SPOCK3: variants seen among roughly 807,000 people sequenced by gnomAD.
The protein encoded by SPOCK3 is testican-3.
A neutral mutation model predicts 56.6 loss-of-function variants in SPOCK3; 30 were observed. The ratio of observed to expected loss-of-function variants is 0.53; its 90% CI spans 0.40 to 0.72. The LOEUF (loss-of-function observed/expected upper bound fraction) is 0.72, where lower values mean the gene tolerates loss of function less well. Among genes scored for constraint, SPOCK3 ranks in the 30% least tolerant of loss-of-function variants. The pLI is 0.00. For missense variants in SPOCK3, 527 were observed against 530.0 expected (o/e 0.99, Z 0.06); for synonymous variants, 196 against 183.3 (o/e 1.07, Z -0.56).
chr4:166,948,214 A>G (rs559503289), intron 4 of SPOCK3, among the ~76,000 whole-genome samples: 20 of 152,244 alleles, frequency 1.3e-4, no homozygotes, highest in Admixed American at 7.9e-4. Flanking sequence ...GTCGAATAGT[A>G]TTCCATTGTG....
chr4:166,746,406 G>A (rs1344389802), intron 8 of SPOCK3, among the ~76,000 whole-genome samples: 2 of 152,052 alleles, frequency 1.3e-5, no homozygotes, highest in Non-Finnish European at 2.9e-5. Flanking sequence ...ACGAAATGAA[G>A]GCAGAAATAA....
Position 166,754,664 on chromosome 4 carries a change from T to C in SPOCK3, c.775A>G (p.Thr259Ala), listed in dbSNP as rs1262636140. 1.9e-6 allele frequency: 3 copies of C among 1,613,678 alleles called. No homozygotes were observed. The highest frequency in any genetic ancestry group is 1.7e-6 in the Non-Finnish European group (2 of 1,179,786). Reference protein sequence around the residue: ...SLGWMFNRLDTNYDLLLDQSE... With the variant: ...SLGWMFNRLDANYDLLLDQSE... ...TGGTCCAATAGCAGGTCATAGTTTG[T>C]ATCAAGTCTGTTAAACATCCAGCCA... Residue 259 changes from threonine (T) to alanine (A), a missense_variant, in exon 8 of 11, where the codon ACA becomes GCA. Physicochemically the swap from Thr to Ala is moderately conservative, Grantham distance 58 (BLOSUM62 0). Transcript: ENST00000357545.
At chr4:167,104,991 T>C (rs1053436801) in intron 2 of SPOCK3, among the ~76,000 whole-genome samples, 1 of 151,992 alleles carries the variant, frequency 6.6e-6, no homozygotes, top group African/African-American at 2.4e-5. Context: ...ACTTTTACCC[T>C]AGAATAGAAT....
At chr4:166,802,601 A>G (rs2126693908) in intron 6 of SPOCK3, among the ~76,000 whole-genome samples, 1 of 152,124 alleles carries the variant, frequency 6.6e-6, no homozygotes, top group African/African-American at 2.4e-5. Context: ...CTCAGCCTTT[A>G]TGACCTAATC....
chr4:166,934,906 A>G (rs1462309128), intron 4 of SPOCK3, among the ~76,000 whole-genome samples: 4 of 147,488 alleles, frequency 2.7e-5, no homozygotes, highest in Admixed American at 1.3e-4. Context: ...TGAAATGTTA[A>G]CATTTGAGAA....
intron 6 of SPOCK3, among the ~76,000 whole-genome samples, chr4:166,861,292 G>A (rs548198316): frequency 5.3e-5 from 8 of 152,212 alleles, no homozygotes; most frequent in Non-Finnish European, 7.4e-5. Flanking sequence ...TTTCTCTCAC[G>A]TAGTTTAGGT....
Position 166,980,350 on chromosome 4 carries a change from C to T in SPOCK3, c.350+19999G>A, listed in dbSNP as rs1746434673. Among the ~76,000 whole-genome samples the T allele has an allele frequency of 2.6e-5, 4 of 152,368 alleles. No homozygotes were observed. The South Asian group carries it at 8.3e-4, about 32-fold the overall frequency. ...TACAATAATATCTTCTTTAATCTTT[C>T]TCCATTACCATTACCAAGAATTTGC... is the stretch of plus-strand genomic sequence containing the variant. On this transcript the variant is annotated intron_variant, in intron 4 of 10. Coordinates refer to ENST00000357545, the MANE Select transcript of SPOCK3 (RefSeq NM_001040159.2).
At chr4:167,155,268 C>T (rs1304205399) in intron 2 of SPOCK3, among the ~76,000 whole-genome samples, 1 of 151,974 alleles carries the variant, frequency 6.6e-6, no homozygotes, top group East Asian at 2.0e-4. Context: ...GGCACTCCGC[C>T]ACCACGCCCA....
intron 4 of SPOCK3, among the ~76,000 whole-genome samples, chr4:166,956,780 G>T (rs1418805581): frequency 6.6e-6 from 1 of 151,942 alleles, no homozygotes; most frequent in Admixed American, 6.6e-5. Flanking sequence ...AATCTTCTCA[G>T]TCTCCCTCAC....
intron 2 of SPOCK3, among the ~76,000 whole-genome samples, chr4:167,150,839 G>A (rs1293476479): frequency 6.6e-6 from 1 of 152,062 alleles, no homozygotes; most frequent in East Asian, 1.9e-4. Flanking sequence ...GGTCAATATT[G>A]GGCAATTCAT....
intron 2 of SPOCK3, among the ~76,000 whole-genome samples, chr4:167,205,558 A>ATATATAT (rs1734216248): frequency 2.9e-4 from 16 of 56,038 alleles, no homozygotes; most frequent in African/African-American, 1.2e-3. Context: ...ATAATATATA[A>ATATATAT]TATATATTAT....
chr4:166,897,421 TA>T (rs1735510760), intron 5 of SPOCK3, among the ~76,000 whole-genome samples: 2 of 151,902 alleles, frequency 1.3e-5, no homozygotes, highest in African/African-American at 2.4e-5. Flanking sequence ...TCCTGTCCAG[TA>T]AAAAAAGATA....
intron 3 of SPOCK3, among the ~76,000 whole-genome samples, chr4:167,054,455 A>G (rs1372033968): frequency 6.6e-6 from 1 of 152,212 alleles, no homozygotes; most frequent in African/African-American, 2.4e-5. Context: ...TATACATTTT[A>G]TGCCTTATTC....
intron 2 of SPOCK3, among the ~76,000 whole-genome samples, chr4:167,139,725 C>T (rs1763382542): frequency 6.6e-6 from 1 of 151,952 alleles, no homozygotes; most frequent in Non-Finnish European, 1.5e-5. Flanking sequence ...CCCTGAATTT[C>T]ATTTTACAAA....
intron 7 of SPOCK3, among the ~76,000 whole-genome samples, chr4:166,785,091 T>A (rs79822768): frequency 6.6e-6 from 1 of 152,226 alleles, no homozygotes; most frequent in African/African-American, 2.4e-5. Context: ...GAATAAAACA[T>A]CACCAAGCAT....
intron 2 of SPOCK3, among the ~76,000 whole-genome samples, chr4:167,227,937 C>A (rs1432965597): frequency 6.6e-6 from 1 of 152,106 alleles, no homozygotes; most frequent in Non-Finnish European, 1.5e-5. Flanking sequence ...TAATCCCAAG[C>A]AAGCTGACTA....
intron 8 of SPOCK3, among the ~76,000 whole-genome samples, chr4:166,748,065 G>A (rs192784680): frequency 6.6e-6 from 1 of 151,942 alleles, no homozygotes; most frequent in East Asian, 1.9e-4. Flanking sequence ...ACTGCCCAAG[G>A]TAATTTATAG....
chr4:167,104,586 T>C (rs1220752990), intron 2 of SPOCK3, among the ~76,000 whole-genome samples: 1 of 151,566 alleles, frequency 6.6e-6, no homozygotes, highest in Non-Finnish European at 1.5e-5. Flanking sequence ...ACCTACAAGA[T>C]CTAGAAAATA....
chr4:166,787,975 A>C (rs142008195), intron 7 of SPOCK3, among the ~76,000 whole-genome samples: 1 of 152,172 alleles, frequency 6.6e-6, no homozygotes, highest in Non-Finnish European at 1.5e-5. Flanking sequence ...TGAGGTCAGG[A>C]GTTTGAGACT....
Sources: gnomAD v4.1 joint callset for allele counts (sites outside exome capture counted in the v4.1 genomes callset) on GRCh38, gnomAD v4.1.1 for gene constraint, MANE v1.5 for transcripts, NCBI Gene and HGNC (gene_info 2026-07-23, HGNC 2026-07-21) for gene names.